Variants in DARS1 observed in about 807,000 individuals in gnomAD.
DARS1 encodes the protein aspartate--tRNA ligase, cytoplasmic.
DARS1 carries 51 observed loss-of-function variants against 68.8 expected under a neutral mutation model. The observed-to-expected ratio is 0.74, with a 90% CI of 0.59 to 0.94. The LOEUF is 0.94. Among genes scored for constraint, DARS1 ranks in the 40% least tolerant of loss-of-function variants. DARS1 has a pLI of 0.00. For synonymous variants in DARS1, 203 were observed against 190.4 expected, an observed-to-expected ratio of 1.07 and a Z score of -0.55; for missense variants, 607 against 597.3, an observed-to-expected ratio of 1.02 and a Z score of -0.17.
intron 6 of DARS1, 47 bp from the exon 7 acceptor site, chr2:135,932,889 T>C (rs1681383569): frequency 1.1e-6 from 1 of 877,088 alleles, no homozygotes; most frequent in African/African-American, 1.7e-5. Context: ...TTACTAATAT[T>C]TTGAAGAGCA....
At chr2:135,973,344 CACTT>C (rs1311041541) in intron 3 of DARS1, among the ~76,000 whole-genome samples, 1 of 152,046 alleles carries the variant, frequency 6.6e-6, no homozygotes, top group Non-Finnish European at 1.5e-5. Flanking sequence ...CGCATATTCT[CACTT>C]ACTTGTGGGA....
chr2:135,924,269 T>A (rs934322018), intron 8 of DARS1, 118 bp downstream of exon 8: 19 of 1,143,004 alleles, frequency 1.7e-5, no homozygotes, highest in South Asian at 7.9e-5. Context: ...AGTAGTCTCA[T>A]GGCAATAAAC....
intron 1 of DARS1, among the ~76,000 whole-genome samples, chr2:135,983,677 T>C (rs1682692684): frequency 6.6e-6 from 1 of 152,184 alleles, no homozygotes; most frequent in Non-Finnish European, 1.5e-5. Context: ...GTTTTGAAGA[T>C]CACCACTCCT....
chr2:135,948,532 G>T (rs536938980), intron 4 of DARS1, among the ~76,000 whole-genome samples: 1 of 152,278 alleles, frequency 6.6e-6, no homozygotes, highest in South Asian at 2.1e-4. Context: ...AAATCAATGA[G>T]ACTTCTTCTG....
rs142247219 is a variant in DARS1 at position 135,916,358 on chromosome 2, A to C, written c.974T>G (p.Ile325Ser). The C allele has an allele frequency of 3.9e-6, 6 of 1,528,518 alleles. No homozygotes were observed. Among genetic ancestry groups the C allele is most frequent in the Non-Finnish European group, 5.4e-6 (6 of 1,102,498 alleles). The allele number at this position is 1,528,518 out of a possible 1,614,324, so 94.7% of individuals were successfully genotyped here. ...KGLQERFQTE[I>S]QTVNKQFPCE... ...TGGGAACTGTTTATTCACTGTTTGA[A>C]TTTCAGTCTGAAACCTATTTGCAGA... The change falls in exon 11 of 16, where the codon ATT (isoleucine) becomes AGT (serine). Residue 325 changes from isoleucine (I) to serine (S), a missense_variant. Coordinates refer to ENST00000264161, the MANE Select transcript of DARS1 (RefSeq NM_001349.4).
chr2:135,943,526 G>A, intron 4 of DARS1, 46 bp from the exon 5 acceptor site: 2 of 1,596,004 alleles, frequency 1.3e-6, no homozygotes, highest in South Asian at 1.1e-5. Flanking sequence ...CATCAGAGGT[G>A]TCAGAACTCC....
intron 4 of DARS1, among the ~76,000 whole-genome samples, chr2:135,946,611 C>A (rs1391722217): frequency 2.0e-5 from 3 of 152,114 alleles, no homozygotes; most frequent in African/African-American, 7.2e-5. Context: ...GAATCATAAA[C>A]CCTGAGAAAT....
At chr2:135,921,318 T>A (rs1681106811) in intron 9 of DARS1, among the ~76,000 whole-genome samples, 1 of 151,882 alleles carries the variant, frequency 6.6e-6, no homozygotes, top group Non-Finnish European at 1.5e-5. Flanking sequence ...CGTAAGTTAA[T>A]CCTAACCTAT....
intron 1 of DARS1, among the ~76,000 whole-genome samples, chr2:135,984,873 C>T (rs1317412354): frequency 6.6e-6 from 1 of 152,116 alleles, no homozygotes; most frequent in African/African-American, 2.4e-5. Context: ...ACTCCTATTA[C>T]CTACCTTACC....
chr2:135,918,275 T>C (rs1432906258), intron 10 of DARS1, among the ~76,000 whole-genome samples: 2 of 152,214 alleles, frequency 1.3e-5, no homozygotes, highest in Non-Finnish European at 2.9e-5. Context: ...CCATTCATCA[T>C]GTCTATCAAT....
chr2:135,960,603 T>G (rs1162452092), intron 4 of DARS1, among the ~76,000 whole-genome samples: 3 of 152,182 alleles, frequency 2.0e-5, no homozygotes, highest in African/African-American at 4.8e-5. Context: ...CACTATGAAA[T>G]TACTTTATTA....
rs745818304 is a variant in DARS1 at position 135,906,111 on chromosome 2, C to G, written c.*1205G>C. On this transcript the variant is annotated 3_prime_UTR_variant, in exon 16 of 16. Coordinates refer to ENST00000264161, the MANE Select transcript of DARS1 (RefSeq NM_001349.4). ...AAAATAAGAACTGAATCTAAACTTT[C>G]AAAGACTGTACAATATAGATGGTAA... is the stretch of plus-strand genomic sequence containing the variant. Among the ~76,000 whole-genome samples the G allele has an allele frequency of 4.6e-5, 7 of 152,136 alleles. No individual in the cohort carries two copies. The highest frequency in any genetic ancestry group is 8.8e-5 in the Non-Finnish European group (6 of 67,998).
intron 5 of DARS1, among the ~76,000 whole-genome samples, chr2:135,942,412 C>T (rs539732783): frequency 1.3e-4 from 20 of 149,878 alleles, no homozygotes; most frequent in African/African-American, 4.9e-4. Flanking sequence ...GGGCAGAAAA[C>T]CAAACACCGC....
intron 8 of DARS1, 40 bp from the exon 9 acceptor site, chr2:135,922,958 T>C (rs779299545): frequency 2.8e-6 from 4 of 1,425,318 alleles, no homozygotes; most frequent in Non-Finnish European, 3.7e-6. Flanking sequence ...TTATAATCAA[T>C]TGTAAACTTA....
chr2:135,916,429 G>A (rs932722906), intron 10 of DARS1, 57 bp from the exon 11 acceptor site: 2 of 1,007,726 alleles, frequency 2.0e-6, no homozygotes, highest in African/African-American at 3.2e-5. Flanking sequence ...TCCCCCACAA[G>A]AGGTCACTGT....
In DARS1 at chr2:135,985,593, C is replaced by G. The variant is rs746227057; in HGVS notation, c.-125G>C. On this transcript the variant is annotated 5_prime_UTR_variant, in exon 1 of 16. Transcript: ENST00000264161. ...ACCCTGGGGTCTCAGCACACGCGCT[C>G]GGACTCCGCGTGGAGGTGCGGCTCC... 5.2e-6 allele frequency: 8 copies of G among 1,544,840 alleles called. No individual in the cohort carries two copies. In the African/African-American group the frequency reaches 1.1e-4, roughly 21 times the overall value.
At chr2:135,920,432 G>A in intron 10 of DARS1, 21 bp downstream of exon 10, 1 of 1,602,020 alleles carries the variant, frequency 6.2e-7, no homozygotes, top group Non-Finnish European at 8.5e-7. Context: ...AGTCCATCTA[G>A]GTGCATAAAA....
rs1056151875 is a variant in DARS1 at position 135,912,617 on chromosome 2, C to T, written c.1150-51G>A. On this transcript the variant is annotated intron_variant, in intron 12 of 15. Coordinates refer to ENST00000264161, the MANE Select transcript of DARS1 (RefSeq NM_001349.4). ...AATACATTTTTAAAAAGTAAAATGG[C>T]TAACATTTTGGTAATTAACTTTATA... is the stretch of plus-strand genomic sequence containing the variant. 1.0e-5 allele frequency: 7 copies of T among 698,810 alleles called. No homozygotes were observed. The African/African-American group carries it at 1.1e-4, about 11-fold the overall frequency. The allele number at this position is 698,810 out of a possible 1,614,324, so 43.3% of individuals were successfully genotyped here.
chr2:135,914,618 C>T (rs1349813356), intron 11 of DARS1, 107 bp from the exon 12 acceptor site: 6 of 795,078 alleles, frequency 7.5e-6, no homozygotes, highest in Non-Finnish European at 1.3e-5. Context: ...AAAATTTGGC[C>T]AGAACACGCA....
Sources: allele counts gnomAD v4.1 joint callset (sites outside exome capture counted in the v4.1 genomes callset), GRCh38; gene constraint gnomAD v4.1.1; transcripts MANE v1.5; gene names NCBI Gene and HGNC (gene_info 2026-07-23, HGNC 2026-07-21).